The following SV2C variants were observed in gnomAD, a reference collection of about 807,000 sequenced individuals.
The protein encoded by SV2C is solute carrier family 22 member B3.
A neutral mutation model predicts 79.7 loss-of-function variants in SV2C; 49 were observed. That is an observed-to-expected ratio of 0.61 (90% confidence interval 0.49 to 0.78). SV2C has a LOEUF of 0.78. Ranked by LOEUF, SV2C falls within the 30% of genes least tolerant of loss-of-function variation. The pLI is 0.00. For synonymous variants in SV2C, 334 were observed against 333.2 expected (o/e 1.00, Z -0.03); for missense variants, 833 against 912.9 (o/e 0.91, Z 1.13).
chr5:76,076,833 G>T, the SV2C span, among the ~76,000 whole-genome samples: 3 of 152,174 alleles, frequency 2.0e-5, no homozygotes, highest in African/African-American at 7.2e-5. Context: ...ATTGATCTCT[G>T]GTTTCCCTTA....
chr5:76,245,867 A>G (rs1745927081), intron 4 of SV2C, among the ~76,000 whole-genome samples: 1 of 152,030 alleles, frequency 6.6e-6, no homozygotes, highest in African/African-American at 2.4e-5. Context: ...ACACTGCAGT[A>G]TAAACTAAAA....
the SV2C span, among the ~76,000 whole-genome samples, chr5:75,851,764 C>T: frequency 3.3e-5 from 5 of 152,214 alleles, no homozygotes; most frequent in African/African-American, 1.2e-4. Context: ...CCTCCGCTGC[C>T]TCAGCCTCCC....
At chr5:76,232,915 G>A (rs1322799134) in intron 4 of SV2C, among the ~76,000 whole-genome samples, 21 of 142,790 alleles carry the variant, frequency 1.5e-4, no homozygotes, top group South Asian at 4.2e-4. Context: ...TTGACTTGGC[G>A]ATGCGGGCTC....
chr5:76,228,145 C>G (rs961767463), intron 4 of SV2C, among the ~76,000 whole-genome samples: 1 of 152,036 alleles, frequency 6.6e-6, no homozygotes, highest in Admixed American at 6.6e-5. Flanking sequence ...GCAGGCTGCT[C>G]AAGGGATCCA....
intron 4 of SV2C, among the ~76,000 whole-genome samples, chr5:76,244,073 C>A (rs940453135): frequency 3.9e-5 from 6 of 152,220 alleles, no homozygotes; most frequent in Admixed American, 1.3e-4. Context: ...TCAGTCCAAG[C>A]CCCTAGCTCC....
the SV2C span, among the ~76,000 whole-genome samples, chr5:75,969,080 T>C: frequency 6.6e-6 from 1 of 152,078 alleles, no homozygotes; most frequent in Non-Finnish European, 1.5e-5. Context: ...AAACTAAACC[T>C]CGTCAGTGAA....
At chr5:75,971,331 C>A in the SV2C span, among the ~76,000 whole-genome samples, 2 of 151,890 alleles carry the variant, frequency 1.3e-5, no homozygotes, top group African/African-American at 4.8e-5. Flanking sequence ...CCAGGGCAAT[C>A]AGGCAGGAGA....
chr5:75,883,718 G>C, the SV2C span, among the ~76,000 whole-genome samples: 1 of 149,826 alleles, frequency 6.7e-6, no homozygotes, highest in East Asian at 2.0e-4. Context: ...GGATAGCATT[G>C]GGAGATATAC....
the SV2C span, among the ~76,000 whole-genome samples, chr5:75,922,691 A>T: frequency 6.6e-6 from 1 of 152,362 alleles, no homozygotes; most frequent in East Asian, 1.9e-4. Flanking sequence ...CAAAAGTAAC[A>T]TATGCCATTT....
At chr5:76,213,131 C>G (rs539317955) in intron 4 of SV2C, among the ~76,000 whole-genome samples, 6 of 152,154 alleles carry the variant, frequency 3.9e-5, no homozygotes, top group African/African-American at 1.4e-4. Context: ...ATATGAAAAC[C>G]TTATGCCCAT....
chr5:76,019,343 G>A, the SV2C span, among the ~76,000 whole-genome samples: 1 of 152,120 alleles, frequency 6.6e-6, no homozygotes, highest in Non-Finnish European at 1.5e-5. Flanking sequence ...TCAGTGGGTT[G>A]AGAAGTAAAT....
the SV2C span, among the ~76,000 whole-genome samples, chr5:75,996,967 AC>A: frequency 7.1e-6 from 1 of 141,096 alleles, no homozygotes; most frequent in Non-Finnish European, 1.6e-5. Context: ...CTAATTGAAT[AC>A]CCTTTATTTC....
chr5:76,135,646 G>A (rs1164934576), intron 2 of SV2C, among the ~76,000 whole-genome samples: 2 of 152,222 alleles, frequency 1.3e-5, no homozygotes, highest in Non-Finnish European at 2.9e-5. Context: ...AGCCAGACTA[G>A]TAAGTTTTTA....
the SV2C span, among the ~76,000 whole-genome samples, chr5:75,916,697 A>G: frequency 6.6e-6 from 1 of 151,590 alleles, no homozygotes; most frequent in African/African-American, 2.4e-5. Flanking sequence ...CTGGTCTTGA[A>G]CTCCTGATCT....
chr5:76,071,217 CAAT>C, the SV2C span, among the ~76,000 whole-genome samples: 1 of 152,166 alleles, frequency 6.6e-6, no homozygotes, highest in Non-Finnish European at 1.5e-5. Context: ...TTGGAATTGA[CAAT>C]AACCTAGGAT....
the SV2C span, among the ~76,000 whole-genome samples, chr5:76,039,228 C>T: frequency 4.6e-5 from 7 of 152,278 alleles, no homozygotes; most frequent in Admixed American, 2.6e-4. Context: ...AACTGTTGCC[C>T]GTGACTTGGT....
intron 3 of SV2C, among the ~76,000 whole-genome samples, chr5:76,199,419 TCC>T (rs1189990568): frequency 6.6e-6 from 1 of 152,210 alleles, no homozygotes; most frequent in African/African-American, 2.4e-5. Context: ...AAGCTTCTTC[TCC>T]CAGGGCCCTC....
intron 1 of SV2C, among the ~76,000 whole-genome samples, chr5:76,131,272 G>A (rs1387580795): frequency 6.6e-6 from 1 of 152,146 alleles, no homozygotes; most frequent in Non-Finnish European, 1.5e-5. Flanking sequence ...GTGTCTGTGA[G>A]CAATACTATT....
At chr5:75,935,856 A>G in the SV2C span, among the ~76,000 whole-genome samples, 513 of 152,292 alleles carry the variant, frequency 3.4e-3, 2 homozygotes, top group African/African-American at 0.012. Context: ...TCATTTCTGT[A>G]TCATTTAGAT....
Sources: allele counts gnomAD v4.1 joint callset (sites outside exome capture counted in the v4.1 genomes callset), GRCh38; gene constraint gnomAD v4.1.1; transcripts MANE v1.5; gene names NCBI Gene and HGNC (gene_info 2026-07-23, HGNC 2026-07-21).